KCNJ6: variants seen among roughly 807,000 people sequenced by gnomAD.
The protein encoded by KCNJ6 is potassium inwardly rectifying channel subfamily J member 6.
Under a neutral mutation model 34.2 loss-of-function variants are expected in KCNJ6, and 9 were observed. That is an observed-to-expected ratio of 0.26 (90% CI 0.16 to 0.46). The LOEUF (loss-of-function observed/expected upper bound fraction) is 0.46, where lower values mean the gene tolerates loss of function less well. Ranked by LOEUF, KCNJ6 falls within the 20% of genes least tolerant of loss-of-function variation. KCNJ6 has a pLI of 1.00. For synonymous variants in KCNJ6, 196 were observed against 207.1 expected (o/e 0.95, Z 0.46); for missense variants, 236 against 531.3 (o/e 0.44, Z 5.46).
At chr21:37,720,667 C>T (rs1169297082) in intron 2 of KCNJ6, among the ~76,000 whole-genome samples, 2 of 152,030 alleles carry the variant, frequency 1.3e-5, no homozygotes, top group Non-Finnish European at 2.9e-5. Flanking sequence ...AAAAATCACC[C>T]CCAACCCACA....
In KCNJ6 at chr21:37,607,574, C is replaced by G. The variant is rs1436124867; in HGVS notation, c.*17585G>C. On this transcript the variant is annotated 3_prime_UTR_variant, in exon 4 of 4. Transcript: ENST00000609713. ...ATTGAGCATGCTTTCGTCTCATTGT[C>G]CGTGCACAGACATACTTGGAGTTGA... is the stretch of plus-strand genomic sequence containing the variant. 1 of 150,952 alleles carries G rather than the reference C, an allele frequency of 6.6e-6. No individual in the cohort carries two copies. Among genetic ancestry groups the G allele is most frequent in the African/African-American group, 2.4e-5 (1 of 40,988 alleles). 9.4% of individuals were successfully genotyped at this position (150,952 alleles called of 1,614,324 possible). A position where few individuals can be genotyped will look rare whatever the true frequency, so the allele number is the denominator to read the frequency against.
intron 1 of KCNJ6, among the ~76,000 whole-genome samples, chr21:37,856,808 G>C (rs866267297): frequency 1.2e-4 from 19 of 152,132 alleles, no homozygotes; most frequent in African/African-American, 4.3e-4. Flanking sequence ...CTAAGCCCCA[G>C]GTCAGAACAA....
rs1269212920 is a variant in KCNJ6, at chr21:37,609,497, A to G, written c.*15662T>C. ...AAGAAATAGCTCACAGAACAACCCT[A>G]TATTTTACTGGGCCATAGTAAACAT... On this transcript the variant is annotated 3_prime_UTR_variant, in exon 4 of 4. Coordinates refer to ENST00000609713, the MANE Select transcript of KCNJ6 (RefSeq NM_002240.5). The G allele has an allele frequency of 6.6e-6, 1 of 152,196 alleles. No homozygotes were observed. The highest frequency in any genetic ancestry group is 6.5e-5 in the Admixed American group (1 of 15,280). The allele number at this position is 152,196 out of a possible 1,614,324, so 9.4% of individuals were successfully genotyped here.
At chr21:37,726,053 A>C (rs187733532) in intron 2 of KCNJ6, among the ~76,000 whole-genome samples, 1 of 152,100 alleles carries the variant, frequency 6.6e-6, no homozygotes, top group South Asian at 2.1e-4. Flanking sequence ...CTACAGGTGC[A>C]TGCCACCATG....
Position 37,613,572 on chromosome 21 carries a change from T to C in KCNJ6, c.*11587A>G, listed in dbSNP as rs2054250369. The C allele has an allele frequency of 6.6e-6, 1 of 152,128 alleles. No homozygotes were observed. Among genetic ancestry groups the C allele is most frequent in the Admixed American group, 6.5e-5 (1 of 15,270 alleles). 9.4% of individuals were successfully genotyped at this position (152,128 alleles called of 1,614,324 possible). On this transcript the variant is annotated 3_prime_UTR_variant, in exon 4 of 4. Coordinates refer to ENST00000609713, the MANE Select transcript of KCNJ6 (RefSeq NM_002240.5). ...AACAGTGGTACATCCAGAAAATGGA[T>C]GAGTGTTTGGTGCTAAAAAAGTGAG...
At chr21:37,825,793 G>A (rs1027275520) in intron 2 of KCNJ6, among the ~76,000 whole-genome samples, 6 of 152,186 alleles carry the variant, frequency 3.9e-5, no homozygotes, top group Non-Finnish European at 7.4e-5. Flanking sequence ...GAACAAAGGC[G>A]TGTCCTACAT....
intron 1 of KCNJ6, among the ~76,000 whole-genome samples, chr21:37,875,058 G>T (rs762326194): frequency 6.6e-6 from 1 of 152,134 alleles, no homozygotes; most frequent in Non-Finnish European, 1.5e-5. Flanking sequence ...TGTTTCCGAC[G>T]ATTGGCGAGG....
intron 2 of KCNJ6, among the ~76,000 whole-genome samples, chr21:37,743,201 T>TG (rs1479759570): frequency 2.6e-5 from 4 of 152,138 alleles, no homozygotes; most frequent in Non-Finnish European, 5.9e-5. Flanking sequence ...CTTTACTCAT[T>TG]TTGTCCCCAG....
rs1295869139 is a variant in KCNJ6, at chr21:37,816,982, C to G, written c.25+23676G>C. On this transcript the variant is annotated intron_variant, in intron 2 of 3. Coordinates refer to ENST00000609713, the MANE Select transcript of KCNJ6 (RefSeq NM_002240.5). The stretch of plus-strand genomic sequence containing the variant: ...GTTTCTCTTGCCATGTTTTTGGATC[C>G]TTGATGATTGTTTCAGAGCCTGAAT... Among the ~76,000 whole-genome samples the G allele has an allele frequency of 2.0e-5, 3 of 152,180 alleles. No individual in the cohort carries two copies. In the East Asian group the frequency reaches 5.8e-4, roughly 29 times the overall value.
intron 2 of KCNJ6, among the ~76,000 whole-genome samples, chr21:37,829,552 G>C (rs1371688655): frequency 1.3e-5 from 2 of 152,210 alleles, no homozygotes; most frequent in African/African-American, 2.4e-5. Flanking sequence ...GATGGAGACA[G>C]AGGCAGAGGT....
At chr21:37,758,410 G>C (rs1224001641) in intron 2 of KCNJ6, among the ~76,000 whole-genome samples, 2 of 152,198 alleles carry the variant, frequency 1.3e-5, no homozygotes, top group Non-Finnish European at 2.9e-5. Flanking sequence ...CTTAAGATGG[G>C]AGTATCCACA....
intron 2 of KCNJ6, among the ~76,000 whole-genome samples, chr21:37,791,161 G>A (rs2055215006): frequency 6.6e-6 from 1 of 152,246 alleles, no homozygotes; most frequent in Non-Finnish European, 1.5e-5. Context: ...GTCATGGGAG[G>A]ACCTGCGTCC....
In KCNJ6 at chr21:37,618,011, C is replaced by T. The variant is rs1445140748; in HGVS notation, c.*7148G>A. ...AGCCAGACCCTGCAGGGAGAAGCTC[C>T]CCTAGAGAGACCTCAGTGGGTGGGC... On this transcript the variant is annotated 3_prime_UTR_variant, in exon 4 of 4. Transcript: ENST00000609713. 6.6e-6 allele frequency: 1 copy of T among 152,320 alleles called. No homozygotes were observed. Among genetic ancestry groups the T allele is most frequent in the Non-Finnish European group, 1.5e-5 (1 of 68,142 alleles). 9.4% of individuals were successfully genotyped at this position (152,320 alleles called of 1,614,324 possible).
intron 2 of KCNJ6, among the ~76,000 whole-genome samples, chr21:37,745,072 GTTTTTTTTTTTTTTTTTTT>G (rs58661633): frequency 3.4e-5 from 3 of 89,458 alleles, no homozygotes; most frequent in African/African-American, 1.0e-4. Context: ...AACGTTGCTG[GTTTTTTTTTTTTTTTTTTT>G]TTTTTTTTTT....
rs73416160 is a variant in KCNJ6, at chr21:37,728,312, G to T, written c.26-13181C>A. ...CCAGGGGCTGGAGCAGGGGGATTGG[G>T]GAGTTAATGTGTAATGGGGACAGTT... On this transcript the variant is annotated intron_variant, in intron 2 of 3. Transcript: ENST00000609713. 3.5e-3 allele frequency among the ~76,000 whole-genome samples: 528 copies of T among 152,290 alleles called. 3 individuals carry two copies. The highest frequency in any genetic ancestry group is 0.012 in the African/African-American group (507 of 41,546).
At chr21:37,825,844 T>C (rs2055396490) in intron 2 of KCNJ6, among the ~76,000 whole-genome samples, 1 of 152,190 alleles carries the variant, frequency 6.6e-6, no homozygotes, top group Non-Finnish European at 1.5e-5. Flanking sequence ...GGGGAAACCC[T>C]TGATAAAATC....
At chr21:37,646,285 C>A (rs867294396) in intron 3 of KCNJ6, among the ~76,000 whole-genome samples, 1 of 152,058 alleles carries the variant, frequency 6.6e-6, no homozygotes, top group Non-Finnish European at 1.5e-5. Context: ...GCAAAATAAA[C>A]CCCCACCACG....
intron 3 of KCNJ6, among the ~76,000 whole-genome samples, chr21:37,679,718 C>T (rs959547861): frequency 2.0e-5 from 3 of 152,166 alleles, no homozygotes; most frequent in Admixed American, 2.0e-4. Flanking sequence ...GTTTGACTGA[C>T]CTTCACCGAG....
At chr21:37,715,193 G>T in intron 2 of KCNJ6, 62 bp from the exon 3 acceptor site, 1 of 1,391,828 alleles carries the variant, frequency 7.2e-7, no homozygotes, top group Non-Finnish European at 9.8e-7. Context: ...GAGGACAATG[G>T]AACGGCACAC....
Sources: allele counts gnomAD v4.1 joint callset (sites outside exome capture counted in the v4.1 genomes callset), GRCh38; gene constraint gnomAD v4.1.1; transcripts MANE v1.5; gene names NCBI Gene and HGNC (gene_info 2026-07-23, HGNC 2026-07-21).